Variants in IL1R1 observed in about 807,000 individuals in gnomAD.
IL1R1 encodes the protein interleukin-1 receptor type 1.
A neutral mutation model predicts 50.2 loss-of-function variants in IL1R1; 22 were observed. That is an observed-to-expected ratio of 0.44 (90% CI 0.31 to 0.63). The LOEUF (loss-of-function observed/expected upper bound fraction) is 0.63. IL1R1 is among the 20% of genes least tolerant of loss of function. IL1R1 has a pLI of 0.07. For synonymous variants in IL1R1, 251 were observed against 236.7 expected (o/e 1.06, Z -0.55); for missense variants, 509 against 676.2 (o/e 0.75, Z 2.74).
rs571819919 is a variant in IL1R1 at position 102,136,480 on chromosome 2, G to A, written c.-83-17461G>A. Among the ~76,000 whole-genome samples the A allele has an allele frequency of 4.1e-3, 611 of 150,314 alleles. 3 individuals carry two copies. The highest frequency in any genetic ancestry group is 6.1e-3 in the Non-Finnish European group (412 of 67,846). On this transcript the variant is annotated intron_variant, in intron 1 of 10. Transcript: ENST00000409329. ...CAGCCTCTGCCTCCTGGGTTCAAGCGATTCTCTTGCCCCAGCCTCCCAAGT... is the reference window on the plus strand; with the variant it reads ...CAGCCTCTGCCTCCTGGGTTCAAGCAATTCTCTTGCCCCAGCCTCCCAAGT...
At chr2:102,074,700 T>C (rs547532547) in intron 1 of IL1R1, among the ~76,000 whole-genome samples, 16 of 152,296 alleles carry the variant, frequency 1.1e-4, no homozygotes, top group African/African-American at 3.1e-4. Flanking sequence ...GAGCACCCAT[T>C]TTCTCATTGA....
chr2:102,173,689 C>T (rs770093531), intron 9 of IL1R1, among the ~76,000 whole-genome samples: 16 of 151,994 alleles, frequency 1.1e-4, no homozygotes, highest in Non-Finnish European at 2.1e-4. Flanking sequence ...CTATGGATTC[C>T]AAAAAATTTC....
chr2:102,083,535 C>T (rs1679308139), intron 1 of IL1R1, among the ~76,000 whole-genome samples: 1 of 152,172 alleles, frequency 6.6e-6, no homozygotes, highest in Non-Finnish European at 1.5e-5. Context: ...GCTCTTCCAT[C>T]CTTGGGTCCC....
upstream of IL1R1, among the ~76,000 whole-genome samples, chr2:102,103,442 G>A (rs960871257): frequency 6.6e-6 from 1 of 152,182 alleles, no homozygotes; most frequent in Non-Finnish European, 1.5e-5. Context: ...GAGCATTGAA[G>A]CAGAGGTTTG....
chr2:102,153,310 G>A (rs1293752424), intron 1 of IL1R1, among the ~76,000 whole-genome samples: 1 of 152,138 alleles, frequency 6.6e-6, no homozygotes, highest in African/African-American at 2.4e-5. Context: ...CTGCACCCCG[G>A]TGTCTAGCAA....
intron 1 of IL1R1, among the ~76,000 whole-genome samples, chr2:102,110,809 A>G (rs972611162): frequency 5.3e-5 from 8 of 152,086 alleles, no homozygotes; most frequent in African/African-American, 1.9e-4. Context: ...GGACCCTGCC[A>G]GGGTTGCATG....
Position 102,074,189 on chromosome 2 carries a change from T to C in IL1R1, c.-84+3656T>C, listed in dbSNP as rs116527679. 7.6e-3 allele frequency among the ~76,000 whole-genome samples: 1,160 copies of C among 152,354 alleles called. 11 individuals carry two copies. Among genetic ancestry groups the C allele is most frequent in the African/African-American group, 0.027 (1,102 of 41,584 alleles). ...TAATCTATTGCTGTGTAACTACCTCTTCCCCTACCCCCAGTCCAGAAAACA... is the reference window on the plus strand; with the variant it reads ...TAATCTATTGCTGTGTAACTACCTCCTCCCCTACCCCCAGTCCAGAAAACA... On this transcript the variant is annotated intron_variant, in intron 1 of 11. Transcript: ENST00000409929.
rs1220043270 is a variant in IL1R1 at position 102,146,294 on chromosome 2, C to T, written c.-84+3274C>T. On this transcript the variant is annotated intron_variant, in intron 1 of 11. Coordinates refer to ENST00000410023, the MANE Select transcript of IL1R1 (RefSeq NM_000877.4). Reference sequence around the variant, plus strand: ...TCACCTCATTAAAACCCAACACCCCCCTTAATGCAAATATTTTAAAACACC... The same window carrying T: ...TCACCTCATTAAAACCCAACACCCCTCTTAATGCAAATATTTTAAAACACC... Among the ~76,000 whole-genome samples the T allele has an allele frequency of 3.9e-5, 6 of 152,182 alleles. No homozygotes were observed. In the South Asian group the frequency reaches 1.0e-3, roughly 26 times the overall value.
chr2:102,130,986 A>G (rs1681999314), intron 1 of IL1R1, among the ~76,000 whole-genome samples: 1 of 152,094 alleles, frequency 6.6e-6, no homozygotes, highest in Admixed American at 6.5e-5. Context: ...TTTCCAGGCC[A>G]TGGCACAGGG....
intron 1 of IL1R1, among the ~76,000 whole-genome samples, chr2:102,128,112 A>T (rs1020191253): frequency 6.6e-6 from 1 of 152,222 alleles, no homozygotes; most frequent in Non-Finnish European, 1.5e-5. Context: ...TTGTGTCGAA[A>T]TACCCTCCTT....
intron 1 of IL1R1, among the ~76,000 whole-genome samples, chr2:102,146,287 A>G (rs1253411505): frequency 6.6e-6 from 1 of 152,152 alleles, no homozygotes; most frequent in African/African-American, 2.4e-5. Context: ...TTAAAACCCA[A>G]CACCCCCCTT....
chr2:102,154,747 C>A (rs1684014073), intron 2 of IL1R1, among the ~76,000 whole-genome samples: 1 of 152,220 alleles, frequency 6.6e-6, no homozygotes, highest in African/African-American at 2.4e-5. Flanking sequence ...CATACACTAG[C>A]CCTTGGCTTA....
chr2:102,111,947 C>T (rs1239560245), intron 1 of IL1R1, among the ~76,000 whole-genome samples: 1 of 152,144 alleles, frequency 6.6e-6, no homozygotes, highest in African/African-American at 2.4e-5. Context: ...TTTCCTCCCA[C>T]CCCTGAAATC....
intron 3 of IL1R1, among the ~76,000 whole-genome samples, chr2:102,160,274 C>T (rs1046457674): frequency 1.3e-5 from 2 of 151,512 alleles, no homozygotes; most frequent in African/African-American, 2.4e-5. Context: ...CTTTTTTTTC[C>T]TGATTAGTCT....
chr2:102,134,154 C>T (rs552739143), intron 1 of IL1R1, among the ~76,000 whole-genome samples: 5 of 152,250 alleles, frequency 3.3e-5, no homozygotes, highest in African/African-American at 1.2e-4. Flanking sequence ...ATTTGAAAAA[C>T]AGGAATAAAT....
intron 1 of IL1R1, among the ~76,000 whole-genome samples, chr2:102,136,741 C>T (rs1682367356): frequency 6.6e-6 from 1 of 152,086 alleles, no homozygotes; most frequent in Non-Finnish European, 1.5e-5. Flanking sequence ...GTTGTTTGTT[C>T]TGAAGAAATA....
intron 1 of IL1R1, among the ~76,000 whole-genome samples, chr2:102,078,851 C>T (rs1432945016): frequency 6.6e-6 from 1 of 152,044 alleles, no homozygotes; most frequent in African/African-American, 2.4e-5. Context: ...CAGCAAAACA[C>T]TGGACATGAA....
intron 1 of IL1R1, among the ~76,000 whole-genome samples, chr2:102,081,452 C>T (rs1039282490): frequency 2.6e-5 from 4 of 152,270 alleles, no homozygotes; most frequent in African/African-American, 7.2e-5. Context: ...CCTGGCTCCA[C>T]GGTGGTTTCA....
intron 9 of IL1R1, among the ~76,000 whole-genome samples, chr2:102,173,056 G>A (rs547906332): frequency 6.6e-6 from 1 of 152,300 alleles, no homozygotes; most frequent in African/African-American, 2.4e-5. Flanking sequence ...CCCAAAGAGA[G>A]GAGGTTAGGG....
Sources: gnomAD v4.1 joint callset for allele counts (sites outside exome capture counted in the v4.1 genomes callset) on GRCh38, gnomAD v4.1.1 for gene constraint, MANE v1.5 for transcripts, NCBI Gene and HGNC (gene_info 2026-07-23, HGNC 2026-07-21) for gene names.